Variants in CENPL observed in about 807,000 individuals in gnomAD.
CENPL encodes the protein interphase centromere complex protein 33.
CENPL carries 20 observed loss-of-function variants against 35.2 expected under a neutral mutation model. The observed-to-expected ratio is 0.57, with a 90% CI of 0.40 to 0.83. The LOEUF (loss-of-function observed/expected upper bound fraction) is 0.83. Among genes scored for constraint, CENPL ranks in the 40% least tolerant of loss-of-function variants. CENPL has a pLI of 0.00. For missense variants in CENPL, 363 were observed against 395.8 expected, an observed-to-expected ratio of 0.92 and a Z score of 0.70; for synonymous variants, 140 against 140.6, an observed-to-expected ratio of 1.00 and a Z score of 0.03.
chr1:173,823,800 C>G (rs1652248671), intron 2 of CENPL, 126 bp downstream of exon 2: 1 of 152,222 alleles, frequency 6.6e-6, no homozygotes, highest in Non-Finnish European at 1.5e-5. Flanking sequence ...AATGCCAATA[C>G]TTAGCCAGTG....
At chr1:173,820,190 A>G (rs1651811996) in intron 2 of CENPL, among the ~76,000 whole-genome samples, 1 of 152,152 alleles carries the variant, frequency 6.6e-6, no homozygotes, top group Non-Finnish European at 1.5e-5. Flanking sequence ...TCCTTCCAGC[A>G]TCATGTCAGT....
chr1:173,815,142 G>A (rs1651230090), intron 2 of CENPL, among the ~76,000 whole-genome samples: 1 of 152,178 alleles, frequency 6.6e-6, no homozygotes, highest in Non-Finnish European at 1.5e-5. Context: ...CCAGGAAGAA[G>A]TCGAATCACT....
chr1:173,815,200 T>C (rs562164654), intron 2 of CENPL, among the ~76,000 whole-genome samples: 3 of 152,212 alleles, frequency 2.0e-5, no homozygotes, highest in East Asian at 1.9e-4. Context: ...ATTAATAGCC[T>C]ACCAACCAAA....
At chr1:173,819,955 A>G (rs935521685) in intron 2 of CENPL, among the ~76,000 whole-genome samples, 1 of 151,902 alleles carries the variant, frequency 6.6e-6, no homozygotes, top group Non-Finnish European at 1.5e-5. Context: ...GTGATCCACC[A>G]GCCTCCCAAA....
chr1:173,803,716 G>A (rs1262723368), intron 4 of CENPL, among the ~76,000 whole-genome samples: 1 of 151,228 alleles, frequency 6.6e-6, no homozygotes, highest in Non-Finnish European at 1.5e-5. Context: ...CTGTCGCCCA[G>A]GCTGGAGTGC....
At chr1:173,805,667 T>C (rs1292496482) in intron 4 of CENPL, among the ~76,000 whole-genome samples, 1 of 152,184 alleles carries the variant, frequency 6.6e-6, no homozygotes, top group African/African-American at 2.4e-5. Flanking sequence ...TCCCATCTTC[T>C]TCCTACTTCC....
At chr1:173,814,817 A>G (rs1651194676) in intron 2 of CENPL, among the ~76,000 whole-genome samples, 1 of 152,222 alleles carries the variant, frequency 6.6e-6, no homozygotes, top group Non-Finnish European at 1.5e-5. Context: ...AGCAGAAGGC[A>G]AGAAATAACA....
At chr1:173,820,649 A>G (rs549726042) in intron 2 of CENPL, among the ~76,000 whole-genome samples, 3 of 152,326 alleles carry the variant, frequency 2.0e-5, no homozygotes, top group African/African-American at 7.2e-5. Context: ...AGCTTTATTC[A>G]TAATAGCCAA....
chr1:173,806,160 T>C (rs753977985), intron 4 of CENPL, among the ~76,000 whole-genome samples: 11 of 152,266 alleles, frequency 7.2e-5, no homozygotes, highest in Non-Finnish European at 1.0e-4. Flanking sequence ...CTATGGGCCA[T>C]GGTTTACTGA....
chr1:173,809,594 TA>T (rs573267648), intron 3 of CENPL, among the ~76,000 whole-genome samples: 45 of 114,632 alleles, frequency 3.9e-4, no homozygotes, highest in East Asian at 1.0e-3. Context: ...AGACACTCTC[TA>T]AAAAAAAAAA....
At chr1:173,806,769 C>T (rs567453990) in intron 4 of CENPL, among the ~76,000 whole-genome samples, 10 of 152,038 alleles carry the variant, frequency 6.6e-5, no homozygotes, top group African/African-American at 1.2e-4. Flanking sequence ...GTGATCTGCC[C>T]GCCGTAGCCT....
Position 173,824,642 on chromosome 1 carries a change from C to G in CENPL, c.-532G>C, listed in dbSNP as rs544280201. The G allele has an allele frequency of 6.3e-6, 1 of 159,420 alleles. No individual in the cohort carries two copies. Among genetic ancestry groups the G allele is most frequent in the Admixed American group, 6.1e-5 (1 of 16,438 alleles). The allele number at this position is 159,420 out of a possible 1,614,324, so 9.9% of individuals were successfully genotyped here. On this transcript the variant is annotated 5_prime_UTR_variant, in exon 1 of 6. Coordinates refer to ENST00000682279, the MANE Select transcript of CENPL (RefSeq NM_001387287.1). Reference sequence around the variant, plus strand: ...CACCACTGATTCGTTGAATTCCTTCCCGGTAATCTTGGGCACTAGCGGGCG... The same window carrying G: ...CACCACTGATTCGTTGAATTCCTTCGCGGTAATCTTGGGCACTAGCGGGCG...
rs1257745301 is a variant in CENPL, at chr1:173,824,538, T to G, written c.-428A>C. On this transcript the variant is annotated 5_prime_UTR_variant, in exon 1 of 6. Coordinates refer to ENST00000682279, the MANE Select transcript of CENPL (RefSeq NM_001387287.1). ...CTATCGTCAACCTTTCCAATCGTGC[T>G]CGGTTGCTCCTCAGTTTTCCTACCG... The G allele has an allele frequency of 6.5e-6, 1 of 153,514 alleles. No individual in the cohort carries two copies. The highest frequency in any genetic ancestry group is 1.5e-5 in the Non-Finnish European group (1 of 68,808). 9.5% of individuals were successfully genotyped at this position (153,514 alleles called of 1,614,324 possible). A position where few individuals can be genotyped will look rare whatever the true frequency, so the allele number is the denominator to read the frequency against.
intron 4 of CENPL, among the ~76,000 whole-genome samples, chr1:173,803,853 G>T (rs935201776): frequency 6.6e-6 from 1 of 152,060 alleles, no homozygotes; most frequent in African/African-American, 2.4e-5. Flanking sequence ...TGTATTTTTA[G>T]TAGGGATGGG....
rs577731426 is a variant in CENPL, at chr1:173,807,250, C to T, written c.420+17G>A. The T allele has an allele frequency of 2.0e-6, 3 of 1,524,362 alleles. No homozygotes were observed. In the South Asian group the frequency reaches 3.9e-5, roughly 20 times the overall value. The allele number at this position is 1,524,362 out of a possible 1,614,324, so 94.4% of individuals were successfully genotyped here. A position where few individuals can be genotyped will look rare whatever the true frequency, so the allele number is the denominator to read the frequency against. On this transcript the variant is annotated intron_variant, in intron 4 of 5. Transcript: ENST00000682279. ...ATACTTTTCCCCTAGGAAGCAAGAACTGTTTATGTATTATACCTGGACAAG... is the reference window on the plus strand; with the variant it reads ...ATACTTTTCCCCTAGGAAGCAAGAATTGTTTATGTATTATACCTGGACAAG...
intron 4 of CENPL, among the ~76,000 whole-genome samples, chr1:173,805,115 T>C (rs1449928403): frequency 6.6e-6 from 1 of 152,224 alleles, no homozygotes. Context: ...CAAGGGTAGA[T>C]GCTTGACTGA....
intron 2 of CENPL, chr1:173,823,047 T>G (rs1428242859): frequency 6.6e-6 from 1 of 152,234 alleles, no homozygotes; most frequent in Non-Finnish European, 1.5e-5. Context: ...CTCTGACATA[T>G]TTCTTAAAAA....
At chr1:173,816,702 T>G (rs1396664702) in intron 2 of CENPL, among the ~76,000 whole-genome samples, 1 of 152,162 alleles carries the variant, frequency 6.6e-6, no homozygotes, top group Non-Finnish European at 1.5e-5. Context: ...ATTAAAGATG[T>G]AAATGTTAGA....
chr1:173,819,236 A>G (rs1306956273), intron 2 of CENPL, among the ~76,000 whole-genome samples: 1 of 152,264 alleles, frequency 6.6e-6, no homozygotes, highest in South Asian at 2.1e-4. Flanking sequence ...CCTCTCAAGA[A>G]AAAAAGAAAC....
Sources: allele counts gnomAD v4.1 joint callset (sites outside exome capture counted in the v4.1 genomes callset), GRCh38; gene constraint gnomAD v4.1.1; transcripts MANE v1.5; gene names NCBI Gene and HGNC (gene_info 2026-07-23, HGNC 2026-07-21).